Variants in ANKRD36C observed in about 807,000 individuals in gnomAD.
ANKRD36C encodes ankyrin repeat domain 36C.
ANKRD36C carries 61 observed loss-of-function variants against 276.4 expected under a neutral mutation model. That is an observed-to-expected ratio of 0.22 (90% CI 0.18 to 0.27). The LOEUF (loss-of-function observed/expected upper bound fraction) is 0.27. Among genes scored for constraint, ANKRD36C ranks in the 10% least tolerant of loss-of-function variants. ANKRD36C has a pLI of 1.00. For missense variants in ANKRD36C, 1,447 were observed against 2,032.3 expected (o/e 0.71, Z 5.54); for synonymous variants, 483 against 680.1 (o/e 0.71, Z 4.51).
At position 95,969,623 on chromosome 2, in the gene ANKRD36C, G is replaced by A. The variant is rs562573533; in HGVS notation, c.800-7076C>T. On this transcript the variant is annotated intron_variant, in intron 6 of 66. Transcript: ENST00000456556. ...AACCAACAATATCGTCATGGTTCAC[G>A]GATCCAAGATCACGTGAAGCAGATG... Among the ~76,000 whole-genome samples, 7 of 152,240 alleles carry A rather than the reference G, an allele frequency of 4.6e-5. No homozygotes were observed. In the South Asian group the frequency reaches 1.0e-3, roughly 23 times the overall value.
At chr2:95,936,178 T>C (rs565228213) in intron 22 of ANKRD36C, among the ~76,000 whole-genome samples, 63 of 151,240 alleles carry the variant, frequency 4.2e-4, no homozygotes, top group African/African-American at 1.5e-3. Context: ...AAATACCTAA[T>C]GTGTAATTAG....
At chr2:95,898,258 T>C (rs1676616415) in intron 44 of ANKRD36C, among the ~76,000 whole-genome samples, 2 of 148,728 alleles carry the variant, frequency 1.3e-5, no homozygotes, top group Admixed American at 1.3e-4. Flanking sequence ...CAATATTCAT[T>C]GAAAATGACC....
chr2:95,961,252 C>T (rs1351530872), intron 8 of ANKRD36C, among the ~76,000 whole-genome samples: 6 of 151,950 alleles, frequency 3.9e-5, no homozygotes, highest in East Asian at 1.9e-4. Flanking sequence ...TTTCTCACAC[C>T]GCTGTGGAGT....
intron 54 of ANKRD36C, among the ~76,000 whole-genome samples, chr2:95,883,900 A>C (rs1311570404): frequency 6.6e-6 from 1 of 151,984 alleles, no homozygotes; most frequent in African/African-American, 2.4e-5. Flanking sequence ...TTAAAGCAAA[A>C]TTATGCTGTA....
At chr2:95,850,325 GC>G (rs1283421844), downstream of ANKRD36C, among the ~76,000 whole-genome samples, 1 of 152,208 alleles carries the variant, frequency 6.6e-6, no homozygotes, top group African/African-American at 2.4e-5. Context: ...AAACAAACAG[GC>G]AATTCCCGTA....
At chr2:95,925,308 C>T (rs570119653) in intron 30 of ANKRD36C, 44 bp downstream of exon 30, 21 of 1,550,558 alleles carry the variant, frequency 1.4e-5, no homozygotes, top group South Asian at 1.1e-4. Context: ...ACGTTCTCTT[C>T]TGTCTTGAGT....
Position 95,916,131 on chromosome 2 carries a change from G to C in ANKRD36C, c.2376+12C>G, listed in dbSNP as rs749820594. On this transcript the variant is annotated intron_variant, in intron 37 of 66. Transcript: ENST00000456556. ...GTTTACTAGCTCACAATATAAATGAGAGTTTCATTACCTTCAAGGCTGGTT... is the reference window on the plus strand; with the variant it reads ...GTTTACTAGCTCACAATATAAATGACAGTTTCATTACCTTCAAGGCTGGTT... 5.6e-6 allele frequency: 9 copies of C among 1,605,390 alleles called. No homozygotes were observed. The highest frequency in any genetic ancestry group is 7.6e-6 in the Non-Finnish European group (9 of 1,177,962).
At chr2:95,930,948 C>G (rs997788243) in intron 24 of ANKRD36C, among the ~76,000 whole-genome samples, 1 of 151,602 alleles carries the variant, frequency 6.6e-6, no homozygotes, top group Non-Finnish European at 1.5e-5. Context: ...CTTCTGCTTT[C>G]CATTAAGGGA....
chr2:95,979,755 C>T (rs1438263183), intron 5 of ANKRD36C, among the ~76,000 whole-genome samples: 1 of 151,864 alleles, frequency 6.6e-6, no homozygotes, highest in Admixed American at 6.6e-5. Context: ...ACTATCCCAA[C>T]TAATATTTGC....
intron 6 of ANKRD36C, among the ~76,000 whole-genome samples, chr2:95,972,404 G>A (rs1222104088): frequency 6.6e-6 from 1 of 152,150 alleles, no homozygotes. Context: ...GTCAAAATTC[G>A]AAGCTACAGG....
At chr2:95,863,458 A>T (rs1171430186) in intron 60 of ANKRD36C, among the ~76,000 whole-genome samples, 1 of 152,162 alleles carries the variant, frequency 6.6e-6, no homozygotes, top group African/African-American at 2.4e-5. Flanking sequence ...AAAGAAACAG[A>T]AAGAAGGAGT....
chr2:95,924,525 A>G (rs909440100), intron 30 of ANKRD36C, among the ~76,000 whole-genome samples: 3 of 151,670 alleles, frequency 2.0e-5, no homozygotes, highest in Non-Finnish European at 3.0e-5. Flanking sequence ...TTTGTCTGCA[A>G]AATTAGTCTG....
intron 28 of ANKRD36C, among the ~76,000 whole-genome samples, chr2:95,925,884 C>T (rs916693729): frequency 1.3e-5 from 2 of 151,548 alleles, no homozygotes; most frequent in African/African-American, 4.8e-5. Context: ...ACCCAGGAAT[C>T]AATATCAAAG....
intron 10 of ANKRD36C, among the ~76,000 whole-genome samples, chr2:95,960,009 CCCT>C (rs1204211543): frequency 6.6e-6 from 1 of 152,160 alleles, no homozygotes; most frequent in East Asian, 1.9e-4. Context: ...GCCTCACAAT[CCCT>C]CTTCCCTGAG....
At chr2:95,963,332 T>C (rs1387197279) in intron 6 of ANKRD36C, among the ~76,000 whole-genome samples, 1 of 152,078 alleles carries the variant, frequency 6.6e-6, no homozygotes, top group African/African-American at 2.4e-5. Flanking sequence ...TGGAAATGAC[T>C]CCAATATTCA....
chr2:95,928,260 T>C (rs1284725318), intron 26 of ANKRD36C, among the ~76,000 whole-genome samples: 3 of 151,626 alleles, frequency 2.0e-5, no homozygotes, highest in Admixed American at 6.6e-5. Flanking sequence ...GGAAGTATCA[T>C]GTTAGTCTCT....
At chr2:95,929,038 T>G in intron 26 of ANKRD36C, 34 bp downstream of exon 26, 2 of 1,600,252 alleles carry the variant, frequency 1.2e-6, no homozygotes, top group Non-Finnish European at 1.7e-6. Flanking sequence ...CCATCTTGAT[T>G]GAACATGACA....
Position 95,936,414 on chromosome 2 carries a change from C to T in ANKRD36C, c.1634-770G>A, listed in dbSNP as rs866567729. Among the ~76,000 whole-genome samples the T allele has an allele frequency of 2.9e-4, 4 of 13,938 alleles. No individual in the cohort carries two copies. In the South Asian group the frequency reaches 4.8e-3, roughly 17 times the overall value. The allele number at this position is 13,938 out of a possible 152,430, so 9.1% of individuals were successfully genotyped here. A position where few individuals can be genotyped will look rare whatever the true frequency, so the allele number is the denominator to read the frequency against. ...ATATTTCTTGATTGTTTTGCTTCCACAGTCAGTTTGACATGCAGTGCATCA... is the reference window on the plus strand; with the variant it reads ...ATATTTCTTGATTGTTTTGCTTCCATAGTCAGTTTGACATGCAGTGCATCA... On this transcript the variant is annotated intron_variant, in intron 22 of 66. Transcript: ENST00000456556.
chr2:95,861,732 C>A (rs577319226), intron 60 of ANKRD36C, among the ~76,000 whole-genome samples: 2 of 152,046 alleles, frequency 1.3e-5, no homozygotes, highest in Admixed American at 6.6e-5. Flanking sequence ...ACCAGACAAA[C>A]ATAACTATAT....
Sources: allele counts gnomAD v4.1 joint callset (sites outside exome capture counted in the v4.1 genomes callset), GRCh38; gene constraint gnomAD v4.1.1; transcripts MANE v1.5; gene names NCBI Gene and HGNC (gene_info 2026-07-23, HGNC 2026-07-21).